The following GLI2 variants were observed in gnomAD, a reference collection of about 807,000 sequenced individuals.
The protein encoded by GLI2 is transcription activator GLI2.
GLI2 carries 22 observed loss-of-function variants against 78.9 expected under a neutral mutation model. The ratio of observed to expected loss-of-function variants is 0.28; its 90% confidence interval spans 0.20 to 0.40. The LOEUF is 0.40. Ranked by LOEUF, GLI2 falls within the 10% of genes least tolerant of loss-of-function variation. GLI2 has a pLI of 1.00. For missense variants in GLI2, 2,097 were observed against 2,213.2 expected (o/e 0.95, Z 1.05); for synonymous variants, 974 against 963.7 (o/e 1.01, Z -0.20).
chr2:120,888,141 C>G (rs1426802701), intron 2 of GLI2, among the ~76,000 whole-genome samples: 2 of 152,118 alleles, frequency 1.3e-5, no homozygotes, highest in African/African-American at 4.8e-5. Flanking sequence ...GGCTGGATGC[C>G]GAAAAGAAAC....
In GLI2 at chr2:120,761,623, G is replaced by A. The variant is rs568117877; in HGVS notation, c.-31+25338G>A. Among the ~76,000 whole-genome samples, 5 of 152,260 alleles carry A rather than the reference G, an allele frequency of 3.3e-5. No individual in the cohort carries two copies. The South Asian group carries it at 1.0e-3, about 32-fold the overall frequency. On this transcript the variant is annotated intron_variant, in intron 1 of 13. Transcript: ENST00000361492. Reference sequence around the variant, plus strand: ...CAGAGGCAGAAGGGTCTGGGGGGTCGGGGGTTGGGAGAGCACTTAGTCCCA... The same window carrying A: ...CAGAGGCAGAAGGGTCTGGGGGGTCAGGGGTTGGGAGAGCACTTAGTCCCA...
intron 1 of GLI2, among the ~76,000 whole-genome samples, chr2:120,753,673 C>T (rs1438448553): frequency 1.3e-5 from 2 of 151,872 alleles, no homozygotes; most frequent in Admixed American, 6.6e-5. Flanking sequence ...CCGAGGCGGG[C>T]GGATCAGGAG....
At chr2:120,780,218 C>T (rs1683799020) in intron 1 of GLI2, among the ~76,000 whole-genome samples, 1 of 152,180 alleles carries the variant, frequency 6.6e-6, no homozygotes, top group Non-Finnish European at 1.5e-5. Context: ...ATAACGCCCC[C>T]TTCAGCTGGA....
chr2:120,767,072 A>G (rs1683384644), intron 1 of GLI2, among the ~76,000 whole-genome samples: 1 of 152,168 alleles, frequency 6.6e-6, no homozygotes, highest in Non-Finnish European at 1.5e-5. Flanking sequence ...TGAAGTGCGA[A>G]ATTGCCGGGA....
At chr2:120,787,013 C>T (rs144200324) in intron 1 of GLI2, among the ~76,000 whole-genome samples, 31 of 152,274 alleles carry the variant, frequency 2.0e-4, no homozygotes, top group African/African-American at 7.5e-4. Context: ...GTGTCTGTGT[C>T]GAGGGTGGCC....
intron 2 of GLI2, among the ~76,000 whole-genome samples, chr2:120,825,756 G>A (rs1211946840): frequency 6.6e-6 from 1 of 152,200 alleles, no homozygotes; most frequent in Non-Finnish European, 1.5e-5. Flanking sequence ...TCCCCCTCCT[G>A]GTGCTTCCTG....
At position 120,800,473 on chromosome 2, in the gene GLI2, T is replaced by TTTATTATTATTATTA. The variant is rs142626503; in HGVS notation, c.148+3011_148+3025dup. On this transcript the variant is annotated intron_variant, in intron 2 of 13. Transcript: ENST00000361492. This position sits in a 1 kb window ranked among gnomAD's most constrained non-coding sequence, Gnocchi z 4.1. ...TTTGCTGTCTGGCGGAAAGGGATGA[T>TTTATTATTATTATTA]TTATTATTATTATTATTATTTTATT... Among the ~76,000 whole-genome samples the TTTATTATTATTATTA allele has an allele frequency of 7.8e-3, 1,165 of 148,546 alleles. 12 individuals carry two copies. Among genetic ancestry groups the TTTATTATTATTATTA allele is most frequent in the African/African-American group, 0.025 (1,017 of 40,604 alleles).
intron 1 of GLI2, among the ~76,000 whole-genome samples, chr2:120,770,322 C>A (rs1399879160): frequency 6.6e-6 from 1 of 152,226 alleles, no homozygotes; most frequent in Non-Finnish European, 1.5e-5. Context: ...ATCTCCTACC[C>A]TTCCATGCCC....
At chr2:120,956,742 A>G (rs1164427907) in intron 5 of GLI2, among the ~76,000 whole-genome samples, 1 of 151,988 alleles carries the variant, frequency 6.6e-6, no homozygotes, top group African/African-American at 2.4e-5. Context: ...ACCGTCCTGC[A>G]GGGGCAGCCC....
At chr2:120,892,017 C>T (rs983638718) in intron 2 of GLI2, among the ~76,000 whole-genome samples, 12 of 141,320 alleles carry the variant, frequency 8.5e-5, no homozygotes, top group African/African-American at 3.0e-4. Context: ...TCCTGCTTGG[C>T]TCTGCGGATT....
chr2:120,893,486 A>T (rs1489287851), intron 2 of GLI2, among the ~76,000 whole-genome samples: 1 of 152,096 alleles, frequency 6.6e-6, no homozygotes, highest in Non-Finnish European at 1.5e-5. Context: ...TTTATAAGAG[A>T]TTTCTCATGG....
intron 2 of GLI2, among the ~76,000 whole-genome samples, chr2:120,913,949 C>T (rs959599395): frequency 3.3e-5 from 5 of 152,220 alleles, no homozygotes; most frequent in Admixed American, 2.0e-4. Context: ...GGACTTGATG[C>T]TCTCGGCAGG....
At chr2:120,765,891 T>C (rs1214953512) in intron 1 of GLI2, among the ~76,000 whole-genome samples, 1 of 152,182 alleles carries the variant, frequency 6.6e-6, no homozygotes, top group African/African-American at 2.4e-5. Flanking sequence ...GGGAATGAGA[T>C]AGGAGATGTT....
chr2:120,953,917 G>A (rs900900643), intron 4 of GLI2, among the ~76,000 whole-genome samples: 1 of 152,146 alleles, frequency 6.6e-6, no homozygotes, highest in Non-Finnish European at 1.5e-5. Context: ...AGAGGCCTTC[G>A]ACGGATGGAG....
intron 2 of GLI2, among the ~76,000 whole-genome samples, chr2:120,820,287 G>A (rs1029996595): frequency 2.0e-5 from 3 of 152,160 alleles, no homozygotes; most frequent in African/African-American, 4.8e-5. Context: ...CTTTCTTGCC[G>A]AGTCTAAACT....
intron 3 of GLI2, among the ~76,000 whole-genome samples, chr2:120,945,765 C>G (rs536847693): frequency 1.4e-4 from 22 of 152,306 alleles, no homozygotes; most frequent in Non-Finnish European, 3.1e-4. Context: ...ACCAAAGACT[C>G]TAGCCAAAGC....
At chr2:120,901,436 C>A (rs1351835259) in intron 2 of GLI2, among the ~76,000 whole-genome samples, 1 of 152,160 alleles carries the variant, frequency 6.6e-6, no homozygotes, top group Non-Finnish European at 1.5e-5. Context: ...TTTGGCCGGC[C>A]CATATGACTT....
intron 2 of GLI2, among the ~76,000 whole-genome samples, chr2:120,917,842 A>G (rs1290956158): frequency 6.6e-6 from 1 of 152,190 alleles, no homozygotes; most frequent in Non-Finnish European, 1.5e-5. Context: ...CCACCTTGCA[A>G]GTTCCCTCCC....
At chr2:120,946,484 G>A (rs1184393383) in intron 3 of GLI2, among the ~76,000 whole-genome samples, 1 of 152,180 alleles carries the variant, frequency 6.6e-6, no homozygotes, top group Non-Finnish European at 1.5e-5. Flanking sequence ...AGCTCATGCA[G>A]CCAGCTCCTC....
Sources: gnomAD v4.1 joint callset for allele counts (sites outside exome capture counted in the v4.1 genomes callset) on GRCh38, gnomAD v4.1.1 for gene constraint, Gnocchi (gnomAD v3.1) non-coding constraint, MANE v1.5 for transcripts, NCBI Gene and HGNC (gene_info 2026-07-23, HGNC 2026-07-21) for gene names.